The following MGAT4C variants were observed in gnomAD, a reference collection of about 807,000 sequenced individuals.
MGAT4C encodes alpha-1,3-mannosyl-glycoprotein 4-beta-N-acetylglucosaminyltransferase C.
Under a neutral mutation model 40.1 loss-of-function variants are expected in MGAT4C, and 19 were observed. The ratio of observed to expected loss-of-function variants is 0.47; its 90% CI spans 0.33 to 0.70. The LOEUF is 0.70. Ranked by LOEUF, MGAT4C falls within the 30% of genes least tolerant of loss-of-function variation. The pLI, the probability that MGAT4C is intolerant of heterozygous loss-of-function variation, is 0.02. For missense variants in MGAT4C, 491 were observed against 563.2 expected (o/e 0.87, Z 1.30); for synonymous variants, 181 against 187.1 (o/e 0.97, Z 0.27).
At chr12:86,355,093 G>GT (rs964852448) in intron 3 of MGAT4C, among the ~76,000 whole-genome samples, 4 of 152,056 alleles carry the variant, frequency 2.6e-5, no homozygotes, top group Non-Finnish European at 5.9e-5. Context: ...TGATTGGTGC[G>GT]TTTTTACAGA....
At chr12:86,519,872 C>T (rs1958762324) in intron 2 of MGAT4C, among the ~76,000 whole-genome samples, 1 of 151,938 alleles carries the variant, frequency 6.6e-6, no homozygotes, top group Non-Finnish European at 1.5e-5. Flanking sequence ...TACTTCTTTT[C>T]TTCTTTGTGC....
intron 1 of MGAT4C, among the ~76,000 whole-genome samples, chr12:86,754,010 A>G (rs376484663): frequency 2.0e-5 from 3 of 152,304 alleles, no homozygotes; most frequent in South Asian, 4.1e-4. Context: ...GGGCACTGAA[A>G]GCATATTTAT....
At chr12:86,739,610 TAAC>T (rs1280180490) in intron 1 of MGAT4C, among the ~76,000 whole-genome samples, 2 of 150,962 alleles carry the variant, frequency 1.3e-5, no homozygotes, top group African/African-American at 4.8e-5. Flanking sequence ...TACAGAATAA[TAAC>T]AATTTACATA....
chr12:86,289,451 T>C (rs1953446413), intron 4 of MGAT4C, among the ~76,000 whole-genome samples: 1 of 152,132 alleles, frequency 6.6e-6, no homozygotes, highest in Admixed American at 6.5e-5. Context: ...AGAATGTCAT[T>C]GGTAGTTTGA....
chr12:86,028,984 G>A (rs1431721980), intron 2 of MGAT4C, among the ~76,000 whole-genome samples: 1 of 151,548 alleles, frequency 6.6e-6, no homozygotes, highest in Non-Finnish European at 1.5e-5. Flanking sequence ...TCTAATTATT[G>A]TTTACAGTAT....
chr12:86,134,610 C>A (rs1881694535), intron 1 of MGAT4C, among the ~76,000 whole-genome samples: 1 of 151,992 alleles, frequency 6.6e-6, no homozygotes, highest in South Asian at 2.1e-4. Context: ...AGTCCTGAAC[C>A]CCATGCCGTT....
intron 3 of MGAT4C, among the ~76,000 whole-genome samples, chr12:86,400,084 T>G (rs1409360938): frequency 6.6e-6 from 1 of 152,170 alleles, no homozygotes; most frequent in Non-Finnish European, 1.5e-5. Flanking sequence ...AGGTAGATAG[T>G]GTCAGAATGA....
intron 1 of MGAT4C, among the ~76,000 whole-genome samples, chr12:86,735,632 T>C (rs2136124537): frequency 6.6e-6 from 1 of 151,888 alleles, no homozygotes; most frequent in East Asian, 2.0e-4. Context: ...AAGAAGGCAG[T>C]CACAGGAAAT....
chr12:86,392,975 A>G (rs1956184732), intron 3 of MGAT4C, among the ~76,000 whole-genome samples: 1 of 152,186 alleles, frequency 6.6e-6, no homozygotes, highest in Admixed American at 6.5e-5. Flanking sequence ...ATAATAAACT[A>G]AGAAAACAAT....
At chr12:86,435,620 T>A (rs1290516232) in intron 2 of MGAT4C, among the ~76,000 whole-genome samples, 2 of 151,956 alleles carry the variant, frequency 1.3e-5, no homozygotes, top group South Asian at 2.1e-4. Context: ...GGCCAGTATT[T>A]ATGTACTAAT....
chr12:86,507,737 G>C (rs1958495912), intron 2 of MGAT4C, among the ~76,000 whole-genome samples: 2 of 152,216 alleles, frequency 1.3e-5, no homozygotes, highest in South Asian at 4.1e-4. Context: ...TATTATTGTG[G>C]CAATAGTTTA....
intron 4 of MGAT4C, among the ~76,000 whole-genome samples, chr12:86,266,055 T>G (rs556781233): frequency 6.6e-6 from 1 of 152,164 alleles, no homozygotes; most frequent in Non-Finnish European, 1.5e-5. Context: ...TTTAGGTTTT[T>G]CCACCTGTAA....
At chr12:86,149,722 G>T (rs1270111807) in intron 1 of MGAT4C, among the ~76,000 whole-genome samples, 1 of 152,128 alleles carries the variant, frequency 6.6e-6, no homozygotes, top group African/African-American at 2.4e-5. Flanking sequence ...TTCAACAGGG[G>T]TCTCATATTA....
At chr12:86,150,728 G>A (rs73175698) in intron 1 of MGAT4C, among the ~76,000 whole-genome samples, 2 of 152,218 alleles carry the variant, frequency 1.3e-5, no homozygotes, top group African/African-American at 2.4e-5. Flanking sequence ...AATCTCCTAG[G>A]TTTATGGTTT....
At chr12:86,494,006 C>T (rs908259568) in intron 2 of MGAT4C, among the ~76,000 whole-genome samples, 1 of 151,598 alleles carries the variant, frequency 6.6e-6, no homozygotes, top group African/African-American at 2.4e-5. Flanking sequence ...AATAAAATAT[C>T]CTATTATAAC....
At chr12:86,335,993 T>C (rs1357135148) in intron 3 of MGAT4C, among the ~76,000 whole-genome samples, 1 of 152,134 alleles carries the variant, frequency 6.6e-6, no homozygotes, top group Non-Finnish European at 1.5e-5. Context: ...AAACCTTCCT[T>C]TTTTAAACCT....
intron 1 of MGAT4C, among the ~76,000 whole-genome samples, chr12:86,177,968 A>G (rs1240452379): frequency 6.6e-6 from 1 of 151,980 alleles, no homozygotes; most frequent in Non-Finnish European, 1.5e-5. Flanking sequence ...ACAGAGTCTC[A>G]CTCTGTCACC....
At chr12:86,764,997 T>C (rs1370828799) in intron 1 of MGAT4C, among the ~76,000 whole-genome samples, 5 of 151,914 alleles carry the variant, frequency 3.3e-5, no homozygotes, top group Admixed American at 1.3e-4. Context: ...TCACCAGCAA[T>C]GGAACAAAGC....
At chr12:86,588,578 A>G (rs1480594411) in intron 2 of MGAT4C, among the ~76,000 whole-genome samples, 2 of 152,000 alleles carry the variant, frequency 1.3e-5, no homozygotes, top group Non-Finnish European at 2.9e-5. Flanking sequence ...AGAACTCTCC[A>G]CCCCAAATCA....
Sources: allele counts gnomAD v4.1 joint callset (sites outside exome capture counted in the v4.1 genomes callset), GRCh38; gene constraint gnomAD v4.1.1; transcripts MANE v1.5; gene names NCBI Gene and HGNC (gene_info 2026-07-23, HGNC 2026-07-21).